The following EPHA6 variants were observed in gnomAD, a reference collection of about 807,000 sequenced individuals.
The protein encoded by EPHA6 is ephrin type-A receptor 6.
A neutral mutation model predicts 112.0 loss-of-function variants in EPHA6; 50 were observed. That is an observed-to-expected ratio of 0.45 (90% CI 0.36 to 0.56). The LOEUF (loss-of-function observed/expected upper bound fraction) is 0.56. EPHA6 is among the 20% of genes least tolerant of loss of function. The pLI, the probability that EPHA6 is intolerant of heterozygous loss-of-function variation, is 0.00. For synonymous variants in EPHA6, 529 were observed against 490.7 expected (o/e 1.08, Z -1.03); for missense variants, 1,280 against 1,417.4 (o/e 0.90, Z 1.56).
intron 2 of EPHA6, among the ~76,000 whole-genome samples, chr3:96,942,962 T>A (rs902361476): frequency 2.6e-5 from 4 of 152,132 alleles, no homozygotes; most frequent in African/African-American, 9.7e-5. Flanking sequence ...TTATTCCTCC[T>A]ATCTAACTCT....
At chr3:97,367,322 A>T (rs1290760853) in intron 5 of EPHA6, among the ~76,000 whole-genome samples, 1 of 152,164 alleles carries the variant, frequency 6.6e-6, no homozygotes, top group Non-Finnish European at 1.5e-5. Context: ...AAACCAGGTC[A>T]CATGCTCAAC....
At chr3:97,486,764 T>TA (rs778687197) in intron 10 of EPHA6, among the ~76,000 whole-genome samples, 20 of 152,224 alleles carry the variant, frequency 1.3e-4, no homozygotes, top group African/African-American at 2.4e-5. Flanking sequence ...GTCATGTTTC[T>TA]AAAACTTTAC....
intron 4 of EPHA6, among the ~76,000 whole-genome samples, chr3:97,231,057 C>G (rs1349940072): frequency 3.3e-5 from 5 of 152,124 alleles, no homozygotes; most frequent in Admixed American, 2.6e-4. Flanking sequence ...TCAAAATAAT[C>G]CTTATGCCAA....
chr3:97,718,510 C>CA (rs1357964534), intron 14 of EPHA6, among the ~76,000 whole-genome samples: 14 of 151,266 alleles, frequency 9.3e-5, no homozygotes, highest in Non-Finnish European at 2.1e-4. Context: ...GTACTTATAC[C>CA]AAAAAATTCC....
At chr3:96,983,206 A>T (rs1173162784) in intron 2 of EPHA6, among the ~76,000 whole-genome samples, 2 of 151,924 alleles carry the variant, frequency 1.3e-5, no homozygotes, top group African/African-American at 4.8e-5. Flanking sequence ...GTTCCTTTCT[A>T]TGTTTAGTGC....
chr3:96,986,923 T>C (rs1261950669), intron 2 of EPHA6, among the ~76,000 whole-genome samples: 1 of 152,238 alleles, frequency 6.6e-6, no homozygotes. Context: ...GTGCGTTTTT[T>C]ATATATTTAG....
intron 2 of EPHA6, among the ~76,000 whole-genome samples, chr3:96,920,179 A>G (rs1277410569): frequency 6.6e-6 from 1 of 151,962 alleles, no homozygotes; most frequent in Non-Finnish European, 1.5e-5. Flanking sequence ...TAGTGAAGCT[A>G]TTTTGTGCTT....
chr3:96,965,375 A>G (rs2042088259), intron 2 of EPHA6, among the ~76,000 whole-genome samples: 2 of 152,190 alleles, frequency 1.3e-5, no homozygotes, highest in African/African-American at 4.8e-5. Context: ...TTACCTATCT[A>G]ATGGGCCTAA....
intron 14 of EPHA6, among the ~76,000 whole-genome samples, chr3:97,719,270 A>C (rs1198081582): frequency 2.6e-5 from 4 of 152,070 alleles, no homozygotes; most frequent in Non-Finnish European, 4.4e-5. Context: ...ATGATCATGG[A>C]CAATGTTGAA....
At chr3:97,631,964 G>A (rs891225896) in intron 13 of EPHA6, among the ~76,000 whole-genome samples, 71 of 152,044 alleles carry the variant, frequency 4.7e-4, no homozygotes, top group African/African-American at 1.6e-3. Flanking sequence ...CTCCATTGAA[G>A]ATCTAGAAAG....
chr3:97,041,873 C>A (rs552506306), intron 3 of EPHA6, among the ~76,000 whole-genome samples: 1 of 152,050 alleles, frequency 6.6e-6, no homozygotes, highest in Non-Finnish European at 1.5e-5. Flanking sequence ...GGGGAAAATC[C>A]TCCCCAGTGA....
chr3:97,405,742 C>T (rs571308878), intron 6 of EPHA6, among the ~76,000 whole-genome samples: 7 of 152,116 alleles, frequency 4.6e-5, no homozygotes, highest in African/African-American at 1.7e-4. Context: ...ATAGAAATAG[C>T]ATATAAATGA....
intron 11 of EPHA6, among the ~76,000 whole-genome samples, chr3:97,577,698 T>C (rs2093400097): frequency 6.6e-6 from 1 of 152,218 alleles, no homozygotes; most frequent in African/African-American, 2.4e-5. Context: ...TATTCACTTC[T>C]AGATAATAGG....
At chr3:97,131,314 A>C (rs2075610956) in intron 3 of EPHA6, among the ~76,000 whole-genome samples, 1 of 152,128 alleles carries the variant, frequency 6.6e-6, no homozygotes, top group South Asian at 2.1e-4. Flanking sequence ...GAAGATAGAG[A>C]GATAGATACT....
intron 4 of EPHA6, among the ~76,000 whole-genome samples, chr3:97,228,742 G>T (rs962535280): frequency 2.6e-5 from 4 of 152,036 alleles, no homozygotes; most frequent in African/African-American, 7.2e-5. Flanking sequence ...TACCTAGTAG[G>T]GGGGATTGCT....
intron 10 of EPHA6, among the ~76,000 whole-genome samples, chr3:97,492,547 C>CAAAAAAAAAAAAAAAAAAAAA (rs780244403): frequency 6.9e-5 from 2 of 28,944 alleles, no homozygotes; most frequent in African/African-American, 8.4e-5. Context: ...GACTCAGTCT[C>CAAAAAAAAAAAAAAAAAAAAA]AAAAAAAAAA....
intron 3 of EPHA6, among the ~76,000 whole-genome samples, chr3:97,182,521 T>G (rs1308220201): frequency 6.6e-6 from 1 of 151,998 alleles, no homozygotes; most frequent in Non-Finnish European, 1.5e-5. Flanking sequence ...AATTTTTTAT[T>G]GTTAACATAT....
intron 2 of EPHA6, among the ~76,000 whole-genome samples, chr3:96,930,951 C>T (rs1299705079): frequency 8.6e-6 from 1 of 116,902 alleles, no homozygotes; most frequent in Admixed American, 1.1e-4. Context: ...AAGGTCACAA[C>T]ATTGCACTAC....
intron 2 of EPHA6, among the ~76,000 whole-genome samples, chr3:96,924,351 G>A (rs2039925547): frequency 6.6e-6 from 1 of 152,104 alleles, no homozygotes; most frequent in Non-Finnish European, 1.5e-5. Context: ...TCTCCCTGAA[G>A]AGGTCCTTCA....
Sources: gnomAD v4.1 joint callset for allele counts (sites outside exome capture counted in the v4.1 genomes callset) on GRCh38, gnomAD v4.1.1 for gene constraint, MANE v1.5 for transcripts, NCBI Gene and HGNC (gene_info 2026-07-23, HGNC 2026-07-21) for gene names.